ATXN7L1: variants seen among roughly 807,000 people sequenced by gnomAD.
ATXN7L1 encodes the protein ataxin 7 like 1.
In ATXN7L1, 15 loss-of-function variants were observed where a neutral mutation model predicts 70.8. That is an observed-to-expected ratio of 0.21 (90% CI 0.14 to 0.33). The LOEUF (loss-of-function observed/expected upper bound fraction) is 0.33, where lower values mean the gene tolerates loss of function less well. Among genes scored for constraint, ATXN7L1 ranks in the 10% least tolerant of loss-of-function variants. The probability of loss-of-function intolerance (pLI) is 1.00; values close to 1 mark genes in which losing one functional copy is unlikely to be tolerated. For missense variants in ATXN7L1, 975 were observed against 1,097.1 expected (o/e 0.89, Z 1.57); for synonymous variants, 440 against 445.1 (o/e 0.99, Z 0.14).
intron 7 of ATXN7L1, among the ~76,000 whole-genome samples, chr7:105,628,995 GTC>G: frequency 1.3e-5 from 2 of 151,084 alleles, no homozygotes; most frequent in Middle Eastern, 6.8e-3. Context: ...TAGAGACACG[GTC>G]TCTCTCTGCC....
chr7:105,834,229 A>T (rs1473525704), intron 2 of ATXN7L1, among the ~76,000 whole-genome samples: 1 of 151,716 alleles, frequency 6.6e-6, no homozygotes, highest in Non-Finnish European at 1.5e-5. Flanking sequence ...TTTAGTAGAG[A>T]CAGAGTTTCA....
intron 2 of ATXN7L1, among the ~76,000 whole-genome samples, chr7:105,873,011 G>A (rs750790062): frequency 7.2e-5 from 11 of 152,056 alleles, no homozygotes; most frequent in Admixed American, 3.3e-4. Flanking sequence ...AAAATCAGCC[G>A]GGCTTGGTGG....
intron 3 of ATXN7L1, among the ~76,000 whole-genome samples, chr7:105,746,838 C>T (rs902483723): frequency 6.6e-6 from 1 of 152,204 alleles, no homozygotes; most frequent in Non-Finnish European, 1.5e-5. Context: ...AAAATATACA[C>T]ATGTATACTT....
intron 3 of ATXN7L1, among the ~76,000 whole-genome samples, chr7:105,708,553 G>T (rs1793468973): frequency 6.6e-6 from 1 of 152,174 alleles, no homozygotes; most frequent in Non-Finnish European, 1.5e-5. Context: ...AGATTTCATT[G>T]GATAATTAAC....
Position 105,673,687 on chromosome 7 carries a change from G to A in ATXN7L1, c.356-8399C>T, listed in dbSNP as rs532630633. ...GAGGCAGGGCTGGCACCTTGGCACT[G>A]GGAGCCGTGCCAGGAGCCAGGCCAG... On this transcript the variant is annotated intron_variant, in intron 3 of 11. Transcript: ENST00000419735. Among the ~76,000 whole-genome samples, 5 of 152,344 alleles carry A rather than the reference G, an allele frequency of 3.3e-5. No individual in the cohort carries two copies. In the East Asian group the frequency reaches 7.7e-4, roughly 24 times the overall value.
At chr7:105,827,021 A>G (rs1810964874) in intron 2 of ATXN7L1, among the ~76,000 whole-genome samples, 1 of 152,248 alleles carries the variant, frequency 6.6e-6, no homozygotes, top group South Asian at 2.1e-4. Flanking sequence ...TCCAGGAAGC[A>G]CAACATCTCA....
rs769339277 is a variant in ATXN7L1, at chr7:105,876,506, C to T, written c.53G>A (p.Gly18Glu). 3.7e-6 allele frequency: 6 copies of T among 1,613,506 alleles called. No individual in the cohort carries two copies. In the Admixed American group the frequency reaches 8.3e-5, roughly 22 times the overall value. ...TCCTTCTTGTTGCTTTTTCCCTGTT[C>T]CTTCGGCAGCAGCAGCCGAGAGACA... ...IPCLSAAAAE[G>E]TGKKQQEGRA... Residue 18 changes from glycine to glutamate, a missense_variant, in exon 1 of 12, where the codon GGA becomes GAA. Physicochemically the swap from Gly to Glu is moderately conservative, Grantham distance 98. Transcript: ENST00000419735.
At chr7:105,639,619 G>T in intron 5 of ATXN7L1, 50 bp from the exon 6 acceptor site, 1 of 1,346,180 alleles carries the variant, frequency 7.4e-7, no homozygotes, top group South Asian at 1.3e-5. Context: ...GACTAAATAG[G>T]ATTTGGCATT....
rs138985442 is a variant in ATXN7L1 at position 105,845,829 on chromosome 7, G to A, written c.250+29983C>T. 3.1e-3 allele frequency among the ~76,000 whole-genome samples: 475 copies of A among 152,256 alleles called. 4 individuals carry two copies. Among genetic ancestry groups the A allele is most frequent in the South Asian group, 7.7e-3 (37 of 4,832 alleles). ...ATAGTCTCTTTCAAAAAATGATGCT[G>A]AGACAACTGGATAGCCACATGAAAA... is the stretch of plus-strand genomic sequence containing the variant. On this transcript the variant is annotated intron_variant, in intron 2 of 11. Transcript: ENST00000419735.
intron 4 of ATXN7L1, among the ~76,000 whole-genome samples, chr7:105,650,998 T>C (rs996809281): frequency 2.6e-5 from 4 of 152,254 alleles, no homozygotes; most frequent in African/African-American, 9.6e-5. Flanking sequence ...CAGACCAACC[T>C]AGACTCAAAT....
chr7:105,650,445 G>C (rs1799668365), intron 4 of ATXN7L1, among the ~76,000 whole-genome samples: 1 of 152,218 alleles, frequency 6.6e-6, no homozygotes, highest in African/African-American at 2.4e-5. Flanking sequence ...CAGGCCTGGT[G>C]GTTAGAGAGG....
intron 2 of ATXN7L1, among the ~76,000 whole-genome samples, chr7:105,868,638 C>T (rs1015546270): frequency 2.6e-5 from 4 of 151,180 alleles, no homozygotes; most frequent in East Asian, 1.9e-4. Context: ...CTTGAATGCA[C>T]ACAGAATATC....
intron 9 of ATXN7L1, among the ~76,000 whole-genome samples, chr7:105,619,524 ATATATATTTTTTTTTTTTTTTTTTT>A (rs1794577764): frequency 1.4e-4 from 3 of 21,572 alleles, no homozygotes; most frequent in African/African-American, 2.5e-4. Flanking sequence ...ATATATATAT[ATATATATTTTTTTTTTTTTTTTTTT>A]TTTTTTTTTT....
chr7:105,837,451 G>GA (rs36089046), intron 2 of ATXN7L1, among the ~76,000 whole-genome samples: 21,973 of 138,054 alleles, frequency 0.16, 1,698 homozygotes, highest in Middle Eastern at 0.22. Context: ...GTTAAAATGT[G>GA]AAAAAAAAAA....
At chr7:105,705,014 TTTTATTTATTTA>T (rs377314818) in intron 3 of ATXN7L1, among the ~76,000 whole-genome samples, 17 of 151,452 alleles carry the variant, frequency 1.1e-4, no homozygotes, top group Admixed American at 3.3e-4. Flanking sequence ...TTATTTTTTA[TTTTATTTATTTA>T]TTTATTTATT....
intron 3 of ATXN7L1, among the ~76,000 whole-genome samples, chr7:105,772,780 T>C (rs1217318776): frequency 6.6e-6 from 1 of 152,112 alleles, no homozygotes; most frequent in Non-Finnish European, 1.5e-5. Context: ...AAACAATATA[T>C]GGAATACTGT....
intron 3 of ATXN7L1, among the ~76,000 whole-genome samples, chr7:105,666,114 G>T (rs1419999947): frequency 6.6e-6 from 1 of 152,170 alleles, no homozygotes; most frequent in African/African-American, 2.4e-5. Flanking sequence ...CACCCGCTAT[G>T]GGGTTCTTAA....
intron 3 of ATXN7L1, among the ~76,000 whole-genome samples, chr7:105,693,854 T>C (rs950190972): frequency 4.6e-5 from 7 of 152,082 alleles, no homozygotes; most frequent in Non-Finnish European, 1.0e-4. Context: ...GGATCTGAAA[T>C]GGAGCCACCC....
intron 3 of ATXN7L1, among the ~76,000 whole-genome samples, chr7:105,757,129 G>A (rs1005200988): frequency 3.3e-5 from 5 of 152,112 alleles, no homozygotes; most frequent in African/African-American, 1.2e-4. Context: ...GAAATTAGGC[G>A]AGGGCCTAAA....
Sources: gnomAD v4.1 joint callset for allele counts (sites outside exome capture counted in the v4.1 genomes callset) on GRCh38, gnomAD v4.1.1 for gene constraint, MANE v1.5 for transcripts, NCBI Gene and HGNC (gene_info 2026-07-23, HGNC 2026-07-21) for gene names.